NR3C1: variants seen among roughly 807,000 people sequenced by gnomAD.
NR3C1 encodes the protein nuclear receptor subfamily 3 group C member 1, also known as glucocorticoid receptor.
Under a neutral mutation model 74.0 loss-of-function variants are expected in NR3C1, and 14 were observed. The ratio of observed to expected loss-of-function variants is 0.19; its 90% CI spans 0.12 to 0.30. NR3C1 has a LOEUF of 0.30. Ranked by LOEUF, NR3C1 falls within the 10% of genes least tolerant of loss-of-function variation. The pLI is 1.00. For synonymous variants in NR3C1, 308 were observed against 332.5 expected (o/e 0.93, Z 0.80); for missense variants, 695 against 909.8 (o/e 0.76, Z 3.04).
At chr5:143,291,773 A>G (rs941067969) in intron 7 of NR3C1, among the ~76,000 whole-genome samples, 4 of 152,214 alleles carry the variant, frequency 2.6e-5, no homozygotes, top group Non-Finnish European at 2.9e-5. Flanking sequence ...GCCCATCAAC[A>G]TCATTCTGCA....
At chr5:143,379,428 A>G (rs1252538885) in intron 2 of NR3C1, among the ~76,000 whole-genome samples, 1 of 152,166 alleles carries the variant, frequency 6.6e-6, no homozygotes, top group Admixed American at 6.5e-5. Flanking sequence ...TTCTGTCACA[A>G]TGATTCTGCC....
chr5:143,403,934 CG>C, upstream of NR3C1: 1 of 984,528 alleles, frequency 1.0e-6, no homozygotes, highest in Non-Finnish European at 1.2e-6. Flanking sequence ...CTTCGCCCCC[CG>C]CCCCCAACTC....
chr5:143,334,830 T>TCTGTCC (rs760605456), intron 2 of NR3C1, among the ~76,000 whole-genome samples: 19 of 152,190 alleles, frequency 1.2e-4, no homozygotes, highest in Middle Eastern at 3.4e-3. Context: ...GAGGAGGAAC[T>TCTGTCC]CTGTCCCTGT....
At chr5:143,376,446 C>T (rs1251297317) in intron 2 of NR3C1, among the ~76,000 whole-genome samples, 1 of 152,180 alleles carries the variant, frequency 6.6e-6, no homozygotes, top group East Asian at 1.9e-4. Context: ...TCTATATGTC[C>T]ACGTTCCTTC....
intron 2 of NR3C1, among the ~76,000 whole-genome samples, chr5:143,336,589 T>C (rs1827165975): frequency 6.6e-6 from 1 of 152,188 alleles, no homozygotes; most frequent in Non-Finnish European, 1.5e-5. Flanking sequence ...TAAGAACATT[T>C]ACAGGTTTCT....
intron 2 of NR3C1, among the ~76,000 whole-genome samples, chr5:143,366,041 C>T (rs1388313779): frequency 1.3e-5 from 2 of 152,156 alleles, no homozygotes; most frequent in African/African-American, 4.8e-5. Context: ...CATAGCAGTA[C>T]ATGACCACCT....
At position 143,300,209 on chromosome 5, in the gene NR3C1, G is replaced by A. The variant is rs1818220390; in HGVS notation, c.1747+276C>T. 6.6e-6 allele frequency among the ~76,000 whole-genome samples: 1 copy of A among 152,138 alleles called. No individual in the cohort carries two copies. The highest frequency in any genetic ancestry group is 2.4e-5 in the African/African-American group (1 of 41,438). The stretch of plus-strand genomic sequence containing the variant: ...CTTTCCCCAAACTTCAGTGTAAAAG[G>A]AGTTTTGAGTGAGTCTTGTAACTTG... On this transcript the variant is annotated intron_variant, in intron 5 of 8. Coordinates refer to ENST00000394464, the MANE Select transcript of NR3C1 (RefSeq NM_000176.3). This position sits in a 1 kb window ranked among gnomAD's most constrained non-coding sequence, Gnocchi z 5.2.
intron 2 of NR3C1, among the ~76,000 whole-genome samples, chr5:143,393,190 C>T (rs955529180): frequency 1.3e-5 from 2 of 152,114 alleles, no homozygotes; most frequent in Admixed American, 1.3e-4. Context: ...ATTTTAAATC[C>T]TTATCTTATA....
chr5:143,282,157 G>A, intron 8 of NR3C1, 116 bp from the exon 9 acceptor site: 3 of 1,040,612 alleles, frequency 2.9e-6, no homozygotes, highest in Non-Finnish European at 4.4e-6. Flanking sequence ...CAATCTCACT[G>A]GAATTCCCCA....
rs116981971 is a variant in NR3C1, at chr5:143,296,763, G to A, written c.1893-1173C>T. 1.1e-3 allele frequency among the ~76,000 whole-genome samples: 168 copies of A among 152,160 alleles called. 2 individuals carry two copies. The East Asian group carries it at 0.026, about 23-fold the overall frequency. The stretch of plus-strand genomic sequence containing the variant: ...CTGTCACAGACACCAGAGCAGTATG[G>A]AAACATAGTGGGCTAAGAAAAAAGG... On this transcript the variant is annotated intron_variant, in intron 6 of 8. Coordinates refer to ENST00000394464, the MANE Select transcript of NR3C1 (RefSeq NM_000176.3).
chr5:143,374,589 G>A (rs1834834421), intron 2 of NR3C1, among the ~76,000 whole-genome samples: 1 of 151,884 alleles, frequency 6.6e-6, no homozygotes, highest in African/African-American at 2.4e-5. Flanking sequence ...CTTGGGTTCT[G>A]CCACTATACT....
chr5:143,294,092 T>A, intron 7 of NR3C1: 1 of 984,956 alleles, frequency 1.0e-6, no homozygotes. Flanking sequence ...TAACATAAAA[T>A]AACTTTTTGT....
At chr5:143,312,250 G>A (rs1250114138) in intron 3 of NR3C1, among the ~76,000 whole-genome samples, 2 of 151,982 alleles carry the variant, frequency 1.3e-5, no homozygotes, top group African/African-American at 2.4e-5. Flanking sequence ...GTCCCTTTCC[G>A]TCCTTTACCA....
At position 143,403,303 on chromosome 5, in the gene NR3C1, G is replaced by A; in HGVS notation, c.-106C>T. The A allele has an allele frequency of 1.0e-6, 1 of 984,430 alleles. No individual in the cohort carries two copies. The highest frequency in any genetic ancestry group is 4.7e-5 in the South Asian group (1 of 21,288). The allele number at this position is 984,430 out of a possible 1,614,324, so 61.0% of individuals were successfully genotyped here. On this transcript the variant is annotated 5_prime_UTR_variant, in exon 1 of 9. Coordinates refer to ENST00000394464, the MANE Select transcript of NR3C1 (RefSeq NM_000176.3). ...GCTTGTGAACGCAGAAGGAGCAGGAGGGAAATATATTTTTTTTTTCTAAAA... is the reference window on the plus strand; with the variant it reads ...GCTTGTGAACGCAGAAGGAGCAGGAAGGAAATATATTTTTTTTTTCTAAAA...
chr5:143,361,825 A>C (rs1200660945), intron 2 of NR3C1, among the ~76,000 whole-genome samples: 1 of 152,354 alleles, frequency 6.6e-6, no homozygotes, highest in East Asian at 1.9e-4. Flanking sequence ...ACTTATGACA[A>C]TTGAGGACCA....
intron 1 of NR3C1, among the ~76,000 whole-genome samples, chr5:143,414,149 T>C (rs963184559): frequency 1.3e-5 from 2 of 152,230 alleles, no homozygotes; most frequent in Admixed American, 6.5e-5. Flanking sequence ...AATGAATTGA[T>C]GATTGCTTTG....
chr5:143,353,609 A>T (rs1830597861), intron 2 of NR3C1, among the ~76,000 whole-genome samples: 1 of 152,200 alleles, frequency 6.6e-6, no homozygotes, highest in African/African-American at 2.4e-5. Flanking sequence ...TGCACTGTCA[A>T]TGAACAGCAA....
At chr5:143,376,336 A>T (rs946756602) in intron 2 of NR3C1, among the ~76,000 whole-genome samples, 5 of 152,220 alleles carry the variant, frequency 3.3e-5, no homozygotes, top group Non-Finnish European at 7.3e-5. Flanking sequence ...ATGTGAGGAC[A>T]CAGACACCTA....
At chr5:143,368,556 CA>C (rs1305460403) in intron 2 of NR3C1, among the ~76,000 whole-genome samples, 4 of 151,454 alleles carry the variant, frequency 2.6e-5, no homozygotes, top group South Asian at 4.2e-4. Flanking sequence ...CACACACACA[CA>C]CACACACACA....
Sources: allele counts gnomAD v4.1 joint callset (sites outside exome capture counted in the v4.1 genomes callset), GRCh38; gene constraint gnomAD v4.1.1; non-coding constraint Gnocchi (gnomAD v3.1); transcripts MANE v1.5; gene names NCBI Gene and HGNC (gene_info 2026-07-23, HGNC 2026-07-21).